The following SEMA3A variants were observed in gnomAD, a reference collection of about 807,000 sequenced individuals.
The protein encoded by SEMA3A is semaphorin-3A.
In SEMA3A, 29 loss-of-function variants were observed where a neutral mutation model predicts 97.9. The observed-to-expected ratio is 0.30, with a 90% CI of 0.22 to 0.40. The LOEUF (loss-of-function observed/expected upper bound fraction) is 0.40. SEMA3A is among the 10% of genes least tolerant of loss of function. The pLI is 1.00. For missense variants in SEMA3A, 763 were observed against 951.3 expected, an observed-to-expected ratio of 0.80 and a Z score of 2.60; for synonymous variants, 321 against 323.7, an observed-to-expected ratio of 0.99 and a Z score of 0.09.
At chr7:83,962,088 G>A (rs1242629772) in intron 16 of SEMA3A, among the ~76,000 whole-genome samples, 2 of 151,904 alleles carry the variant, frequency 1.3e-5, no homozygotes, top group Non-Finnish European at 2.9e-5. Flanking sequence ...AATATTCAAG[G>A]TAACTGGAGG....
At chr7:84,287,040 C>T (rs770010915) in intron 3 of SEMA3A, among the ~76,000 whole-genome samples, 1 of 152,024 alleles carries the variant, frequency 6.6e-6, no homozygotes, top group Non-Finnish European at 1.5e-5. Context: ...ACTCACTATG[C>T]TTCATATCAT....
At chr7:84,226,149 A>G (rs994506275) in intron 3 of SEMA3A, among the ~76,000 whole-genome samples, 8 of 152,142 alleles carry the variant, frequency 5.3e-5, no homozygotes, top group Non-Finnish European at 8.8e-5. Context: ...CATAATCAGT[A>G]TTCCAGGGGT....
At chr7:84,097,515 A>AT (rs1416987683) in intron 4 of SEMA3A, among the ~76,000 whole-genome samples, 1 of 152,130 alleles carries the variant, frequency 6.6e-6, no homozygotes, top group Non-Finnish European at 1.5e-5. Flanking sequence ...TTGCGAATTG[A>AT]TTTTAGATCC....
intron 1 of SEMA3A, among the ~76,000 whole-genome samples, chr7:84,147,958 G>A (rs1295447464): frequency 2.6e-5 from 4 of 151,934 alleles, no homozygotes; most frequent in Non-Finnish European, 4.4e-5. Flanking sequence ...CACCCAGGCC[G>A]GAGTGCAGTA....
chr7:84,329,625 G>C (rs912114577), intron 2 of SEMA3A, among the ~76,000 whole-genome samples: 1 of 152,108 alleles, frequency 6.6e-6, no homozygotes, highest in East Asian at 1.9e-4. Context: ...TGAACAATTA[G>C]ATCATGTGAC....
At chr7:84,169,869 A>C (rs927786336) in intron 1 of SEMA3A, among the ~76,000 whole-genome samples, 4 of 151,854 alleles carry the variant, frequency 2.6e-5, no homozygotes, top group Non-Finnish European at 5.9e-5. Flanking sequence ...ATAAATCTTC[A>C]AGGTTGTTTA....
chr7:84,274,023 A>T (rs1454274326), intron 3 of SEMA3A, among the ~76,000 whole-genome samples: 3 of 152,018 alleles, frequency 2.0e-5, no homozygotes, highest in Non-Finnish European at 4.4e-5. Flanking sequence ...CATCTATATA[A>T]GCTTTATTTT....
At chr7:84,114,079 G>A (rs1166157959) in intron 3 of SEMA3A, among the ~76,000 whole-genome samples, 2 of 152,062 alleles carry the variant, frequency 1.3e-5, no homozygotes, top group Non-Finnish European at 2.9e-5. Context: ...ACTGTGTTAC[G>A]CAGACTTTTC....
At chr7:84,155,766 AT>A (rs1796828392) in intron 1 of SEMA3A, among the ~76,000 whole-genome samples, 2 of 152,056 alleles carry the variant, frequency 1.3e-5, no homozygotes, top group South Asian at 4.2e-4. Flanking sequence ...TATGTTAATA[AT>A]TTTTTCCTTG....
intron 1 of SEMA3A, among the ~76,000 whole-genome samples, chr7:84,478,257 T>TGGGGA (rs1806353334): frequency 2.6e-5 from 4 of 152,128 alleles, no homozygotes; most frequent in Non-Finnish European, 5.9e-5. Context: ...CAAGGTGTTC[T>TGGGGA]TTCTACCTCC....
intron 5 of SEMA3A, among the ~76,000 whole-genome samples, chr7:84,054,859 T>C (rs1244964908): frequency 6.6e-6 from 1 of 150,602 alleles, no homozygotes; most frequent in Non-Finnish European, 1.5e-5. Context: ...TCTTTGATGA[T>C]GGTGATGCAC....
intron 2 of SEMA3A, among the ~76,000 whole-genome samples, chr7:84,358,627 T>G (rs1802632065): frequency 6.6e-6 from 1 of 152,116 alleles, no homozygotes; most frequent in African/African-American, 2.4e-5. Context: ...TGGGCTCTTT[T>G]TTGGTTCCAT....
chr7:84,488,689 C>T (rs1806646483), intron 1 of SEMA3A, among the ~76,000 whole-genome samples: 1 of 152,096 alleles, frequency 6.6e-6, no homozygotes, highest in African/African-American at 2.4e-5. Flanking sequence ...CCTCACATGT[C>T]AGAAATATAA....
intron 1 of SEMA3A, among the ~76,000 whole-genome samples, chr7:84,385,064 A>AAC (rs58600722): frequency 0.067 from 9,929 of 147,328 alleles, 353 homozygotes; most frequent in African/African-American, 0.09. Flanking sequence ...ACATCCACAA[A>AAC]ACACACACAC....
chr7:84,429,535 T>G (rs920631303), intron 1 of SEMA3A, among the ~76,000 whole-genome samples: 1 of 119,710 alleles, frequency 8.4e-6, no homozygotes, highest in African/African-American at 3.2e-5. Flanking sequence ...TATATATATA[T>G]ATATATATAT....
At chr7:84,275,454 T>C (rs188720066) in intron 3 of SEMA3A, among the ~76,000 whole-genome samples, 1 of 152,228 alleles carries the variant, frequency 6.6e-6, no homozygotes, top group East Asian at 1.9e-4. Flanking sequence ...TGAAGATGAA[T>C]AGCATTTATA....
chr7:84,090,876 A>C (rs1583949064), intron 4 of SEMA3A, among the ~76,000 whole-genome samples: 1 of 151,576 alleles, frequency 6.6e-6, no homozygotes, highest in African/African-American at 2.4e-5. Context: ...AGACCAGCCT[A>C]GCCAACATGG....
chr7:84,027,034 G>C (rs912742556), intron 6 of SEMA3A, among the ~76,000 whole-genome samples: 1 of 151,866 alleles, frequency 6.6e-6, no homozygotes, highest in Admixed American at 6.6e-5. Context: ...AAAATTATGT[G>C]TGTGTACCTA....
intron 1 of SEMA3A, among the ~76,000 whole-genome samples, chr7:84,155,122 C>T (rs1030225350): frequency 4.6e-5 from 7 of 151,998 alleles, no homozygotes; most frequent in Admixed American, 2.6e-4. Context: ...TGGACTAAGT[C>T]GAGGTTTTCT....
Sources: gnomAD v4.1 joint callset for allele counts (sites outside exome capture counted in the v4.1 genomes callset) on GRCh38, gnomAD v4.1.1 for gene constraint, MANE v1.5 for transcripts, NCBI Gene and HGNC (gene_info 2026-07-23, HGNC 2026-07-21) for gene names.